Variants in RGP1 observed in about 807,000 individuals in gnomAD.
RGP1 encodes RGP1 partner of RAB6A GEF complex, also known as RAB6A-GEF complex partner protein 2.
Under a neutral mutation model 44.5 loss-of-function variants are expected in RGP1, and 28 were observed. That is an observed-to-expected ratio of 0.63 (90% confidence interval 0.47 to 0.86). The LOEUF is 0.86. Among genes scored for constraint, RGP1 ranks in the 40% least tolerant of loss-of-function variants. The pLI is 0.00. For missense variants in RGP1, 417 were observed against 490.7 expected (o/e 0.85, Z 1.42); for synonymous variants, 212 against 196.7 (o/e 1.08, Z -0.65).
At chr9:35,761,197 G>C (rs1827413392), downstream of RGP1, among the ~76,000 whole-genome samples, 1 of 152,240 alleles carries the variant, frequency 6.6e-6, no homozygotes. Context: ...GTTGTTAGAT[G>C]CAAGTTTTGG....
rs761046503 is a variant in RGP1, at chr9:35,752,110, C to T, written c.917C>T (p.Pro306Leu). 4.4e-6 allele frequency: 7 copies of T among 1,589,010 alleles called. No homozygotes were observed. In the East Asian group the frequency reaches 1.6e-4, roughly 35 times the overall value. The change falls in exon 8 of 9, where the codon CCT (proline) becomes CTT (leucine). Residue 306 changes from proline to leucine, a missense_variant. Coordinates refer to ENST00000378078, the MANE Select transcript of RGP1 (RefSeq NM_001080496.3). ...TTRTSFSLPI[P>L]LSSTPGFCTA... ...AGAACCAGCTTCTCCCTCCCAATCC[C>T]TCTCAGCTCCACCCCAGGCTTCTGT... is the stretch of plus-strand genomic sequence containing the variant.
chr9:35,759,604 T>C (rs1167494756), downstream of RGP1, among the ~76,000 whole-genome samples: 1 of 138,526 alleles, frequency 7.2e-6, no homozygotes, highest in South Asian at 2.3e-4. Flanking sequence ...AAAAAAAGAA[T>C]TCTTTGCTAT....
At chr9:35,767,812 TTTG>T in the RGP1 span, among the ~76,000 whole-genome samples, 11 of 151,940 alleles carry the variant, frequency 7.2e-5, no homozygotes, top group East Asian at 1.9e-4. Context: ...TAAGTGGACA[TTTG>T]TTGTTGTTGT....
chr9:35,766,276 C>T, the RGP1 span, among the ~76,000 whole-genome samples: 1 of 151,682 alleles, frequency 6.6e-6, no homozygotes, highest in African/African-American at 2.4e-5. Context: ...ACCAGTATCT[C>T]ATATTTGGTG....
At chr9:35,775,650 T>C in the RGP1 span, among the ~76,000 whole-genome samples, 2 of 152,230 alleles carry the variant, frequency 1.3e-5, no homozygotes, top group African/African-American at 4.8e-5. Flanking sequence ...TTAAGGATAT[T>C]GAACTAAGTT....
chr9:35,751,203 C>T (rs753847226), intron 5 of RGP1, 63 bp from the exon 6 acceptor site: 4 of 1,583,402 alleles, frequency 2.5e-6, no homozygotes, highest in Non-Finnish European at 3.5e-6. Context: ...AATCTAAAAC[C>T]CTAACCTCTA....
At chr9:35,775,065 A>G in the RGP1 span, among the ~76,000 whole-genome samples, 4 of 152,168 alleles carry the variant, frequency 2.6e-5, no homozygotes, top group African/African-American at 7.2e-5. Flanking sequence ...TCACTCCTCT[A>G]TATTACTCCA....
chr9:35,778,543 G>A, the RGP1 span, among the ~76,000 whole-genome samples: 1 of 152,086 alleles, frequency 6.6e-6, no homozygotes, highest in Non-Finnish European at 1.5e-5. Context: ...ATATACAAAA[G>A]TGTTCAAGCA....
At chr9:35,778,026 G>A in the RGP1 span, among the ~76,000 whole-genome samples, 18 of 152,322 alleles carry the variant, frequency 1.2e-4, no homozygotes, top group South Asian at 6.2e-4. Flanking sequence ...TGGGCCAGGC[G>A]CGGTGGCTCA....
chr9:35,764,706 C>A, the RGP1 span, among the ~76,000 whole-genome samples: 1 of 152,286 alleles, frequency 6.6e-6, no homozygotes, highest in African/African-American at 2.4e-5. Context: ...CCACACTGAT[C>A]TGGTTTCTAT....
At chr9:35,778,053 G>A in the RGP1 span, among the ~76,000 whole-genome samples, 17 of 151,920 alleles carry the variant, frequency 1.1e-4, no homozygotes, top group Non-Finnish European at 2.5e-4. Flanking sequence ...TAATCCCAGC[G>A]CTTTGGGAAG....
At chr9:35,769,329 C>A in the RGP1 span, among the ~76,000 whole-genome samples, 1 of 152,238 alleles carries the variant, frequency 6.6e-6, no homozygotes, top group Non-Finnish European at 1.5e-5. Flanking sequence ...CACCTGTTAT[C>A]TCTCCTCACC....
At chr9:35,777,470 C>A in the RGP1 span, among the ~76,000 whole-genome samples, 1 of 126,282 alleles carries the variant, frequency 7.9e-6, no homozygotes, top group African/African-American at 3.0e-5. Context: ...GTACTTGTTT[C>A]TTTCATTTAT....
the RGP1 span, among the ~76,000 whole-genome samples, chr9:35,789,939 A>G: frequency 6.6e-6 from 1 of 152,244 alleles, no homozygotes; most frequent in South Asian, 2.1e-4. Context: ...TTATCTTTAA[A>G]TGAGAGGGCT....
At chr9:35,759,567 CAAAAAAAAAAAAAAAAAAA>C (rs57938702), downstream of RGP1, among the ~76,000 whole-genome samples, 4 of 38,280 alleles carry the variant, frequency 1.0e-4, no homozygotes, top group South Asian at 1.9e-3. Context: ...ACCCTGTCTC[CAAAAAAAAAAAAAAAAAAA>C]AAAAAAAAAA....
At chr9:35,768,548 C>T in the RGP1 span, among the ~76,000 whole-genome samples, 1 of 152,102 alleles carries the variant, frequency 6.6e-6, no homozygotes, top group Non-Finnish European at 1.5e-5. Context: ...AAAAATAGTG[C>T]CAGGGGAAGA....
the RGP1 span, among the ~76,000 whole-genome samples, chr9:35,776,743 C>T: frequency 6.6e-6 from 1 of 151,902 alleles, no homozygotes; most frequent in Non-Finnish European, 1.5e-5. Context: ...CGCCTGTAAT[C>T]CCAGCACTTT....
chr9:35,753,754 C>T lies in RGP1; in HGVS notation c.*880C>T, dbSNP rs915087954. The T allele has an allele frequency of 5.0e-6, 8 of 1,613,542 alleles. No individual in the cohort carries two copies. The African/African-American group carries it at 8.0e-5, about 16-fold the overall frequency. On this transcript the variant is annotated 3_prime_UTR_variant, in exon 9 of 9. Transcript: ENST00000378078. The surrounding 1 kb of genome is among the most constrained non-coding windows in gnomAD (Gnocchi z 4.2). ...TCACCCAGGGTAAAATATTTCCCCT[C>T]ATAGTGACAGGGGGCTAGGGAAGAA...
chr9:35,749,833 C>T lies in RGP1; in HGVS notation c.78C>T (p.Val26=). The T allele has an allele frequency of 6.2e-7, 1 of 1,613,650 alleles. No homozygotes were observed. The stretch of plus-strand genomic sequence containing the variant: ...AGGCGCTGGAGTGTGTAGTGACCGT[C>T]ACCAACCCCCTTCCGCCCACGGCCA... ...AGEALECVVT[V]TNPLPPTATS... The change falls in exon 2 of 9, where the codon GTC becomes GTT. Residue 26 remains valine, a synonymous_variant. Coordinates refer to ENST00000378078, the MANE Select transcript of RGP1 (RefSeq NM_001080496.3). The surrounding 1 kb of genome is among the most constrained non-coding windows in gnomAD (Gnocchi z 4.4).
Sources: allele counts gnomAD v4.1 joint callset (sites outside exome capture counted in the v4.1 genomes callset), GRCh38; gene constraint gnomAD v4.1.1; non-coding constraint Gnocchi (gnomAD v3.1); transcripts MANE v1.5; gene names NCBI Gene and HGNC (gene_info 2026-07-23, HGNC 2026-07-21).